NBAS: variants seen among roughly 807,000 people sequenced by gnomAD.
NBAS encodes NBAS subunit of NRZ tethering complex.
NBAS carries 219 observed loss-of-function variants against 302.5 expected under a neutral mutation model. The observed-to-expected ratio is 0.72, with a 90% CI of 0.65 to 0.81. NBAS has a LOEUF of 0.81. NBAS is among the 30% of genes least tolerant of loss of function. The pLI is 0.00. For missense variants in NBAS, 2,932 were observed against 2,841.6 expected (o/e 1.03, Z -0.72); for synonymous variants, 1,118 against 1,021.6 (o/e 1.09, Z -1.80).
At chr2:14,974,819 T>G in the NBAS span, among the ~76,000 whole-genome samples, 1 of 152,318 alleles carries the variant, frequency 6.6e-6, no homozygotes, top group Middle Eastern at 3.4e-3. Flanking sequence ...TTGTGTTGTT[T>G]TATACGACAC....
the NBAS span, among the ~76,000 whole-genome samples, chr2:14,913,042 C>A: frequency 6.6e-6 from 1 of 152,152 alleles, no homozygotes; most frequent in African/African-American, 2.4e-5. Context: ...TTTTACAAAA[C>A]CCATTTATAA....
intron 31 of NBAS, among the ~76,000 whole-genome samples, chr2:15,374,203 G>T (rs946610254): frequency 1.3e-5 from 2 of 151,886 alleles, no homozygotes; most frequent in African/African-American, 4.8e-5. Context: ...AGCATAAAAA[G>T]AAAAAAACTA....
At chr2:15,081,043 C>A in the NBAS span, among the ~76,000 whole-genome samples, 1 of 152,098 alleles carries the variant, frequency 6.6e-6, no homozygotes, top group African/African-American at 2.4e-5. Context: ...GCAGCTGACT[C>A]TTTTTCCTGA....
chr2:14,948,174 T>C, the NBAS span, among the ~76,000 whole-genome samples: 2 of 152,096 alleles, frequency 1.3e-5, no homozygotes, highest in African/African-American at 4.8e-5. Flanking sequence ...GTTTTCTTTT[T>C]TGTTATGTTC....
the NBAS span, among the ~76,000 whole-genome samples, chr2:14,945,881 G>C: frequency 6.6e-6 from 1 of 152,154 alleles, no homozygotes; most frequent in Non-Finnish European, 1.5e-5. Context: ...AGGAGTTCAA[G>C]ACCAGCCTGG....
chr2:14,860,134 C>T, the NBAS span, among the ~76,000 whole-genome samples: 1 of 152,052 alleles, frequency 6.6e-6, no homozygotes, highest in Non-Finnish European at 1.5e-5. Flanking sequence ...ATCAAAACCA[C>T]AATGAAATAT....
intron 48 of NBAS, among the ~76,000 whole-genome samples, chr2:15,205,331 GAAGAA>G (rs1169616005): frequency 2.0e-5 from 3 of 151,970 alleles, no homozygotes; most frequent in Middle Eastern, 3.2e-3. Context: ...AGACAGGAAA[GAAGAA>G]AAGAAGGAAG....
intron 35 of NBAS, among the ~76,000 whole-genome samples, chr2:15,343,721 A>C (rs1672960973): frequency 6.6e-6 from 1 of 152,072 alleles, no homozygotes. Flanking sequence ...AAATAAGTAA[A>C]TAAATAAATG....
the NBAS span, among the ~76,000 whole-genome samples, chr2:15,032,391 CT>C: frequency 6.6e-6 from 1 of 152,176 alleles, no homozygotes; most frequent in Admixed American, 6.5e-5. Context: ...ACAAGAAATT[CT>C]TGTTGTAACA....
chr2:15,543,988 C>A (rs1464119725), intron 6 of NBAS, among the ~76,000 whole-genome samples: 2 of 152,148 alleles, frequency 1.3e-5, no homozygotes, highest in African/African-American at 2.4e-5. Context: ...AGACTTCAAT[C>A]CAGTGCCCAT....
chr2:15,399,322 C>T (rs997899792), intron 26 of NBAS, among the ~76,000 whole-genome samples: 4 of 152,054 alleles, frequency 2.6e-5, no homozygotes, highest in Admixed American at 6.5e-5. Context: ...CTCCAGCTCT[C>T]GGAGGAACCA....
At chr2:15,016,957 C>T in the NBAS span, among the ~76,000 whole-genome samples, 36 of 152,004 alleles carry the variant, frequency 2.4e-4, no homozygotes, top group African/African-American at 8.2e-4. Context: ...AGTATCTATC[C>T]CCTTAACTAT....
chr2:15,361,782 C>T (rs1673939978), intron 32 of NBAS, among the ~76,000 whole-genome samples: 2 of 151,630 alleles, frequency 1.3e-5, no homozygotes, highest in African/African-American at 4.8e-5. Flanking sequence ...AGTTCAAGAC[C>T]AGCCTGACCA....
At chr2:15,324,812 C>T (rs1671988566) in intron 38 of NBAS, among the ~76,000 whole-genome samples, 1 of 152,152 alleles carries the variant, frequency 6.6e-6, no homozygotes, top group African/African-American at 2.4e-5. Flanking sequence ...ATGTTTCTCC[C>T]ACTCCCTAAA....
At chr2:14,884,095 G>A in the NBAS span, among the ~76,000 whole-genome samples, 1 of 152,174 alleles carries the variant, frequency 6.6e-6, no homozygotes, top group Non-Finnish European at 1.5e-5. Context: ...TGGCAGCAAA[G>A]AGAACAGAGA....
chr2:15,295,069 T>G (rs756772686), intron 40 of NBAS, among the ~76,000 whole-genome samples: 3 of 152,242 alleles, frequency 2.0e-5, no homozygotes, highest in Non-Finnish European at 2.9e-5. Context: ...TCCACATTCA[T>G]TTTTGACTTT....
At chr2:15,271,038 C>T (rs1669295731) in intron 44 of NBAS, among the ~76,000 whole-genome samples, 1 of 152,140 alleles carries the variant, frequency 6.6e-6, no homozygotes, top group South Asian at 2.1e-4. Flanking sequence ...TACAATGCAA[C>T]CTTTTGATCA....
intron 12 of NBAS, among the ~76,000 whole-genome samples, chr2:15,482,964 A>ACTGT (rs1455527780): frequency 6.6e-6 from 1 of 152,202 alleles, no homozygotes; most frequent in Non-Finnish European, 1.5e-5. Context: ...ACAGCCTAAT[A>ACTGT]TGCCATCATT....
chr2:15,206,994 G>A (rs1222262073), intron 48 of NBAS, among the ~76,000 whole-genome samples: 1 of 152,172 alleles, frequency 6.6e-6, no homozygotes, highest in African/African-American at 2.4e-5. Flanking sequence ...GCTTTGAGAA[G>A]AGGGTCACCA....
Sources: gnomAD v4.1 joint callset for allele counts (sites outside exome capture counted in the v4.1 genomes callset) on GRCh38, gnomAD v4.1.1 for gene constraint, MANE v1.5 for transcripts, NCBI Gene and HGNC (gene_info 2026-07-23, HGNC 2026-07-21) for gene names.